FAM149B1: variants seen among roughly 807,000 people sequenced by gnomAD.
FAM149B1 encodes the protein family with sequence similarity 149 member B1.
In FAM149B1, 56 loss-of-function variants were observed where a neutral mutation model predicts 75.3. The ratio of observed to expected loss-of-function variants is 0.74; its 90% CI spans 0.60 to 0.93. The LOEUF (loss-of-function observed/expected upper bound fraction) is 0.93. Among genes scored for constraint, FAM149B1 ranks in the 40% least tolerant of loss-of-function variants. FAM149B1 has a pLI of 0.00. For missense variants in FAM149B1, 639 were observed against 708.4 expected, an observed-to-expected ratio of 0.90 and a Z score of 1.11; for synonymous variants, 259 against 256.1, an observed-to-expected ratio of 1.01 and a Z score of -0.11.
chr10:73,189,341 C>A (rs571945442), intron 3 of FAM149B1, among the ~76,000 whole-genome samples: 3 of 152,258 alleles, frequency 2.0e-5, no homozygotes, highest in African/African-American at 4.8e-5. Context: ...TTAGTAATTT[C>A]TTTAAACATA....
chr10:73,203,474 A>G (rs1248198018), intron 5 of FAM149B1, among the ~76,000 whole-genome samples: 1 of 152,122 alleles, frequency 6.6e-6, no homozygotes, highest in East Asian at 1.9e-4. Context: ...ATCTCTTTAT[A>G]CTTAATCTTT....
intron 5 of FAM149B1, among the ~76,000 whole-genome samples, chr10:73,197,520 A>G (rs969165952): frequency 6.6e-6 from 1 of 152,182 alleles, no homozygotes; most frequent in Non-Finnish European, 1.5e-5. Context: ...CTGTAATCCT[A>G]GCACTCTAGG....
chr10:73,232,399 A>C (rs7073209), intron 9 of FAM149B1, among the ~76,000 whole-genome samples: 15,973 of 152,122 alleles, frequency 0.11, 1,218 homozygotes, highest in East Asian at 0.31. Context: ...CCCTTTGCCC[A>C]CTCCCAGCTT....
intron 1 of FAM149B1, among the ~76,000 whole-genome samples, chr10:73,171,228 C>T (rs895291642): frequency 1.4e-4 from 22 of 152,270 alleles, no homozygotes; most frequent in African/African-American, 2.9e-4. Flanking sequence ...TGTGAGCCAC[C>T]GCGCCTGGCC....
At chr10:73,202,773 C>T (rs530832722) in intron 5 of FAM149B1, among the ~76,000 whole-genome samples, 2 of 152,088 alleles carry the variant, frequency 1.3e-5, no homozygotes, top group Non-Finnish European at 2.9e-5. Flanking sequence ...TCATTACAGC[C>T]TTGATCTCCT....
intron 8 of FAM149B1, chr10:73,230,215 T>G: frequency 2.2e-6 from 1 of 458,880 alleles, no homozygotes; most frequent in African/African-American, 2.0e-5. Context: ...CCTGCTGTCA[T>G]TTAGGAATGG....
At chr10:73,231,988 G>A (rs2043714756) in intron 9 of FAM149B1, among the ~76,000 whole-genome samples, 2 of 151,784 alleles carry the variant, frequency 1.3e-5, no homozygotes, top group South Asian at 4.1e-4. Flanking sequence ...CAGTCTCCAG[G>A]TTTAGCCCTG....
At chr10:73,210,145 AT>A in intron 6 of FAM149B1, 105 bp from the exon 7 acceptor site, 7 of 708,760 alleles carry the variant, frequency 9.9e-6, no homozygotes, top group Non-Finnish European at 1.6e-5. Context: ...TCTATTTTCC[AT>A]TTTTCCTCAA....
rs941024653 is a variant in FAM149B1, at chr10:73,234,866, C to T, written c.1402C>T (p.Arg468Ter). ...LSSPSPTPLS[R>*]NNLLPPIGTA... ...CTCTCCCTCACCGACGCCCCTGAGTCGAAATAATCTGCTACCACCTATTGG... is the reference window on the plus strand; with the variant it reads ...CTCTCCCTCACCGACGCCCCTGAGTTGAAATAATCTGCTACCACCTATTGG... The change falls in exon 11 of 14, where the codon CGA becomes TGA. Residue 468 changes from arginine (R) to a stop codon, truncating the protein, a stop_gained. Transcript: ENST00000242505. LOFTEE classifies it high-confidence loss of function. The T allele has an allele frequency of 6.4e-6, 10 of 1,551,730 alleles. No individual in the cohort carries two copies. The highest frequency in any genetic ancestry group is 7.0e-6 in the Non-Finnish European group (8 of 1,147,002).
chr10:73,238,874 TA>T (rs1383790056), intron 12 of FAM149B1: 1 of 153,060 alleles, frequency 6.5e-6, no homozygotes, highest in Non-Finnish European at 1.5e-5. Flanking sequence ...TTCATAATGC[TA>T]AAAAGTAAAT....
chr10:73,219,609 T>C (rs2043365457), intron 7 of FAM149B1, among the ~76,000 whole-genome samples: 1 of 152,138 alleles, frequency 6.6e-6, no homozygotes, highest in Non-Finnish European at 1.5e-5. Flanking sequence ...CACCCACACA[T>C]ATGTGGCCAA....
rs1156661406 is a variant in FAM149B1 at position 73,232,937 on chromosome 10, A to T, written c.1128-2A>T. ...ATTGTGGGTTTCTGATTTGGCTACT[A>T]GAGATCTTGATGACAAGCTACTTAT... On this transcript the variant is annotated splice_acceptor_variant, in intron 9 of 13. Coordinates refer to ENST00000242505, the MANE Select transcript of FAM149B1 (RefSeq NM_173348.2). LOFTEE classifies it high-confidence loss of function. 1.3e-6 allele frequency: 2 copies of T among 1,530,650 alleles called. No individual in the cohort carries two copies. The highest frequency in any genetic ancestry group is 2.8e-5 in the African/African-American group (2 of 72,582). 94.8% of individuals were successfully genotyped at this position (1,530,650 alleles called of 1,614,324 possible).
chr10:73,241,021 G>A lies in FAM149B1; in HGVS notation c.*2G>A. 1 of 1,516,122 alleles carries A rather than the reference G, an allele frequency of 6.6e-7. No individual in the cohort carries two copies. The highest frequency in any genetic ancestry group is 1.2e-5 in the South Asian group (1 of 83,128). The allele number at this position is 1,516,122 out of a possible 1,614,324, so 93.9% of individuals were successfully genotyped here. A position where few individuals can be genotyped will look rare whatever the true frequency, so the allele number is the denominator to read the frequency against. On this transcript the variant is annotated 3_prime_UTR_variant, in exon 14 of 14. Coordinates refer to ENST00000242505, the MANE Select transcript of FAM149B1 (RefSeq NM_173348.2). Reference sequence around the variant, plus strand: ...TCTCGAACCAGGCAGGGACCATAAGGCAAATGAGAAGAATCTATCAGGCTG... The same window carrying A: ...TCTCGAACCAGGCAGGGACCATAAGACAAATGAGAAGAATCTATCAGGCTG...
chr10:73,193,712 G>A (rs7914046), intron 5 of FAM149B1, 119 bp downstream of exon 5: 2 of 977,350 alleles, frequency 2.0e-6, no homozygotes, highest in Non-Finnish European at 2.9e-6. Flanking sequence ...GTAAAGCATA[G>A]CAAATTCTGT....
At chr10:73,177,738 T>TAC (rs199745110) in intron 2 of FAM149B1, 108 bp from the exon 3 acceptor site, 33 of 960,020 alleles carry the variant, frequency 3.4e-5, no homozygotes, top group African/African-American at 1.7e-4. Flanking sequence ...GATATATTTG[T>TAC]ACACATGTTA....
intron 12 of FAM149B1, 126 bp downstream of exon 12, chr10:73,235,444 CAAT>C: frequency 6.9e-7 from 1 of 1,459,410 alleles, no homozygotes; most frequent in Non-Finnish European, 9.0e-7. Flanking sequence ...GAGTTTCCAA[CAAT>C]AAAAAGTGTT....
intron 3 of FAM149B1, among the ~76,000 whole-genome samples, chr10:73,179,035 G>A (rs953972523): frequency 4.0e-5 from 6 of 151,818 alleles, no homozygotes; most frequent in Non-Finnish European, 8.8e-5. Flanking sequence ...CACGATCTTG[G>A]CTCACTGCAA....
At chr10:73,193,681 C>T (rs2042731195) in intron 5 of FAM149B1, 88 bp downstream of exon 5, 1 of 1,265,498 alleles carries the variant, frequency 7.9e-7, no homozygotes, top group Admixed American at 2.5e-5. Context: ...TAAAATACTT[C>T]TTCCTACTTA....
intron 1 of FAM149B1, among the ~76,000 whole-genome samples, chr10:73,171,663 C>G (rs1275767735): frequency 6.8e-6 from 1 of 147,544 alleles, no homozygotes; most frequent in Non-Finnish European, 1.5e-5. Context: ...GAGTCTCACT[C>G]TGTCGCCCAG....
Sources: allele counts gnomAD v4.1 joint callset (sites outside exome capture counted in the v4.1 genomes callset), GRCh38; gene constraint gnomAD v4.1.1; transcripts MANE v1.5; gene names NCBI Gene and HGNC (gene_info 2026-07-23, HGNC 2026-07-21).